The following PLCXD3 variants were observed in gnomAD, a reference collection of about 807,000 sequenced individuals.
PLCXD3 encodes the protein phosphatidylinositol specific phospholipase C X domain containing 3.
Under a neutral mutation model 25.5 loss-of-function variants are expected in PLCXD3, and 19 were observed. The observed-to-expected ratio is 0.75, with a 90% CI of 0.52 to 1.09. The LOEUF is 1.09. Among genes scored for constraint, PLCXD3 ranks in the 50% least tolerant of loss-of-function variants. The pLI, the probability that PLCXD3 is intolerant of heterozygous loss-of-function variation, is 0.00. For synonymous variants in PLCXD3, 174 were observed against 137.6 expected (o/e 1.26, Z -1.85); for missense variants, 411 against 388.1 (o/e 1.06, Z -0.50).
Position 41,393,826 on chromosome 5 carries a change from A to C in PLCXD3, c.104-11292T>G, listed in dbSNP as rs144087950. ...ACACCTGTAGTCCCAGCTACTTAGG[A>C]TGCTGAGGCAGAAGGATGGTGTGAA... On this transcript the variant is annotated intron_variant, in intron 1 of 2. Transcript: ENST00000377801. Among the ~76,000 whole-genome samples, 222 of 152,294 alleles carry C rather than the reference A, an allele frequency of 1.5e-3. 1 individual carries two copies. The highest frequency in any genetic ancestry group is 0.01 in the Middle Eastern group (3 of 294).
intron 1 of PLCXD3, among the ~76,000 whole-genome samples, chr5:41,399,599 A>G (rs1746117763): frequency 6.6e-6 from 1 of 152,166 alleles, no homozygotes. Flanking sequence ...TGGGGAAAAG[A>G]TAGTATCTTC....
At chr5:41,477,937 A>G (rs1748315918) in intron 1 of PLCXD3, among the ~76,000 whole-genome samples, 1 of 152,076 alleles carries the variant, frequency 6.6e-6, no homozygotes, top group African/African-American at 2.4e-5. Flanking sequence ...GTCACTCAAG[A>G]CTCTGCCAGG....
intron 1 of PLCXD3, among the ~76,000 whole-genome samples, chr5:41,454,250 C>T (rs1445865913): frequency 6.6e-6 from 1 of 151,974 alleles, no homozygotes; most frequent in Non-Finnish European, 1.5e-5. Context: ...TGACTGGTGT[C>T]CTGTCTTAGT....
At chr5:41,374,482 T>A (rs1232929989) in intron 2 of PLCXD3, among the ~76,000 whole-genome samples, 3 of 152,122 alleles carry the variant, frequency 2.0e-5, no homozygotes, top group African/African-American at 7.2e-5. Context: ...GACCTTCAGT[T>A]TCTTAAATTG....
chr5:41,474,032 G>A (rs763924231), intron 1 of PLCXD3, among the ~76,000 whole-genome samples: 36 of 152,146 alleles, frequency 2.4e-4, no homozygotes, highest in Non-Finnish European at 5.0e-4. Flanking sequence ...CATTACAACC[G>A]TTACTACTGT....
chr5:41,437,629 G>C (rs1747285646), intron 1 of PLCXD3, among the ~76,000 whole-genome samples: 1 of 152,214 alleles, frequency 6.6e-6, no homozygotes, highest in Non-Finnish European at 1.5e-5. Flanking sequence ...AAATAAGCCA[G>C]TGTGGCAGAA....
intron 1 of PLCXD3, among the ~76,000 whole-genome samples, chr5:41,390,539 A>C (rs751435203): frequency 6.6e-6 from 1 of 152,126 alleles, no homozygotes; most frequent in Non-Finnish European, 1.5e-5. Context: ...TTTTAGTATT[A>C]GTCATTTGAG....
Position 41,307,156 on chromosome 5 carries a change from CTGGTGTCTAATGAAGGAAA to C in PLCXD3, c.*6442_*6460del, listed in dbSNP as rs1384642620. 1 of 152,604 alleles carries C rather than the reference CTGGTGTCTAATGAAGGAAA, an allele frequency of 6.6e-6. No homozygotes were observed. Among genetic ancestry groups the C allele is most frequent in the East Asian group, 1.9e-4 (1 of 5,196 alleles). The allele number at this position is 152,604 out of a possible 1,614,324, so 9.5% of individuals were successfully genotyped here. A position where few individuals can be genotyped will look rare whatever the true frequency, so the allele number is the denominator to read the frequency against. ...AGATCTGTCTCTCTCTGGTGAATTT[CTGGTGTCTAATGAAGGAAA>C]TGTCACCAGCTCTGCAAATTCCCAT... is the stretch of plus-strand genomic sequence containing the variant. On this transcript the variant is annotated 3_prime_UTR_variant, in exon 3 of 3. Transcript: ENST00000377801.
At chr5:41,381,738 G>T in intron 2 of PLCXD3, 88 bp downstream of exon 2, 1 of 1,240,966 alleles carries the variant, frequency 8.1e-7, no homozygotes, top group Non-Finnish European at 1.1e-6. Context: ...AATATACATA[G>T]GTATAATTTC....
intron 1 of PLCXD3, among the ~76,000 whole-genome samples, chr5:41,442,472 C>G (rs1280379430): frequency 6.6e-6 from 1 of 152,144 alleles, no homozygotes; most frequent in Non-Finnish European, 1.5e-5. Context: ...CATTTCTAAG[C>G]CACAGTTTTG....
chr5:41,401,690 C>A (rs1746191801), intron 1 of PLCXD3, among the ~76,000 whole-genome samples: 1 of 152,026 alleles, frequency 6.6e-6, no homozygotes, highest in Non-Finnish European at 1.5e-5. Context: ...GTAAGACATG[C>A]ATTATTTTCC....
At chr5:41,465,159 C>T (rs949213672) in intron 1 of PLCXD3, among the ~76,000 whole-genome samples, 3 of 151,902 alleles carry the variant, frequency 2.0e-5, no homozygotes, top group African/African-American at 4.8e-5. Flanking sequence ...GCTTGCTAAA[C>T]GTATGACATG....
chr5:41,348,615 C>T (rs1187960608), intron 2 of PLCXD3, among the ~76,000 whole-genome samples: 1 of 152,166 alleles, frequency 6.6e-6, no homozygotes, highest in Non-Finnish European at 1.5e-5. Flanking sequence ...TGACCACTTA[C>T]AAATACAGAA....
intron 2 of PLCXD3, among the ~76,000 whole-genome samples, chr5:41,362,324 C>T (rs1580324977): frequency 6.6e-6 from 1 of 152,156 alleles, no homozygotes; most frequent in Middle Eastern, 3.4e-3. Context: ...TGAAAAAAAG[C>T]AACAGAGACT....
intron 2 of PLCXD3, among the ~76,000 whole-genome samples, chr5:41,325,152 A>T (rs549933595): frequency 6.6e-6 from 1 of 152,226 alleles, no homozygotes; most frequent in African/African-American, 2.4e-5. Context: ...TTGAGAATTG[A>T]TGAAACATTG....
chr5:41,319,220 T>C (rs1303903944), intron 2 of PLCXD3, among the ~76,000 whole-genome samples: 1 of 151,926 alleles, frequency 6.6e-6, no homozygotes, highest in Non-Finnish European at 1.5e-5. Flanking sequence ...AGACAGAAAA[T>C]CAAGAAACAT....
chr5:41,470,123 C>G (rs1268271683), intron 1 of PLCXD3, among the ~76,000 whole-genome samples: 1 of 152,166 alleles, frequency 6.6e-6, no homozygotes, highest in Non-Finnish European at 1.5e-5. Flanking sequence ...TTAGAAAACA[C>G]AGCAGATTAA....
chr5:41,473,444 TTTAA>T (rs10644970), intron 1 of PLCXD3, among the ~76,000 whole-genome samples: 9 of 150,594 alleles, frequency 6.0e-5, no homozygotes, highest in East Asian at 2.0e-4. Flanking sequence ...CCATTACTTT[TTTAA>T]TTAATTAATT....
chr5:41,498,697 A>G (rs1275229484), intron 1 of PLCXD3, among the ~76,000 whole-genome samples: 3 of 151,820 alleles, frequency 2.0e-5, no homozygotes, highest in East Asian at 1.9e-4. Context: ...CAAAGACACT[A>G]CAAGGAGAGA....
Sources: gnomAD v4.1 joint callset for allele counts (sites outside exome capture counted in the v4.1 genomes callset) on GRCh38, gnomAD v4.1.1 for gene constraint, MANE v1.5 for transcripts, NCBI Gene and HGNC (gene_info 2026-07-23, HGNC 2026-07-21) for gene names.